Variants in TRAK1 observed in about 807,000 individuals in gnomAD.
The protein encoded by TRAK1 is trafficking kinesin-binding protein 1.
TRAK1 carries 33 observed loss-of-function variants against 92.1 expected under a neutral mutation model. The ratio of observed to expected loss-of-function variants is 0.36; its 90% confidence interval spans 0.27 to 0.48. TRAK1 has a LOEUF of 0.48. Ranked by LOEUF, TRAK1 falls within the 20% of genes least tolerant of loss-of-function variation. TRAK1 has a pLI of 0.99. For synonymous variants in TRAK1, 521 were observed against 517.3 expected, an observed-to-expected ratio of 1.01 and a Z score of -0.10; for missense variants, 1,123 against 1,257.9, an observed-to-expected ratio of 0.89 and a Z score of 1.62.
At chr3:42,083,780 G>A (rs796526088), upstream of TRAK1, among the ~76,000 whole-genome samples, 30 of 152,150 alleles carry the variant, frequency 2.0e-4, no homozygotes, top group African/African-American at 7.2e-4. Flanking sequence ...TAAGGTGGGA[G>A]GATCACCTGA....
At chr3:42,183,553 TAA>T (rs11293523) in intron 3 of TRAK1, among the ~76,000 whole-genome samples, 271 of 117,292 alleles carry the variant, frequency 2.3e-3, no homozygotes, top group Non-Finnish European at 3.1e-3. Context: ...AGACTCTGTC[TAA>T]AAAAAAAAAA....
chr3:42,182,853 A>G (rs1704208749), intron 3 of TRAK1, among the ~76,000 whole-genome samples: 2 of 152,216 alleles, frequency 1.3e-5, no homozygotes, highest in Non-Finnish European at 2.9e-5. Context: ...ATAAAAGCGG[A>G]TTTTTCTCTT....
intron 2 of TRAK1, among the ~76,000 whole-genome samples, chr3:42,126,480 G>A (rs1423696764): frequency 1.3e-5 from 2 of 152,084 alleles, no homozygotes; most frequent in African/African-American, 4.8e-5. Context: ...ATGATGGCCA[G>A]GGTGTGAAAC....
At chr3:42,020,575 A>C (rs994941255) in intron 1 of TRAK1, among the ~76,000 whole-genome samples, 1 of 151,946 alleles carries the variant, frequency 6.6e-6, no homozygotes, top group African/African-American at 2.4e-5. Context: ...TTTTTTTTCC[A>C]GTTGGGACTA....
At chr3:42,053,488 C>CT (rs772694444) in intron 1 of TRAK1, among the ~76,000 whole-genome samples, 21 of 151,658 alleles carry the variant, frequency 1.4e-4, no homozygotes, top group Admixed American at 7.9e-4. Context: ...GCTGGGGATA[C>CT]TTTGTGTAGG....
intron 1 of TRAK1, among the ~76,000 whole-genome samples, chr3:42,071,254 TC>T (rs1219142688): frequency 2.0e-5 from 3 of 152,242 alleles, no homozygotes; most frequent in Admixed American, 6.5e-5. Flanking sequence ...CCTACCCATG[TC>T]CCATATTCCC....
At chr3:42,024,009 C>T (rs149105861) in intron 1 of TRAK1, among the ~76,000 whole-genome samples, 30 of 152,066 alleles carry the variant, frequency 2.0e-4, no homozygotes, top group Non-Finnish European at 3.7e-4. Context: ...CCCTCCTTGG[C>T]CCCCCAAAGT....
chr3:42,185,568 C>G (rs1559892598), intron 4 of TRAK1, among the ~76,000 whole-genome samples: 1 of 152,080 alleles, frequency 6.6e-6, no homozygotes, highest in African/African-American at 2.4e-5. Context: ...AGCTTAGAGC[C>G]AGGCCCTACG....
intron 14 of TRAK1, chr3:42,217,097 C>CTTT (rs550975120): frequency 5.5e-5 from 8 of 146,522 alleles, no homozygotes; most frequent in African/African-American, 1.5e-4. Context: ...CTCTCTCTCT[C>CTTT]TTTTTTTTTT....
At chr3:42,198,174 A>G (rs1393826009) in intron 10 of TRAK1, among the ~76,000 whole-genome samples, 1 of 152,172 alleles carries the variant, frequency 6.6e-6, no homozygotes, top group Non-Finnish European at 1.5e-5. Flanking sequence ...GGTATCTACC[A>G]TGTGTAAAGG....
At chr3:42,127,475 C>T (rs1056265235) in intron 2 of TRAK1, among the ~76,000 whole-genome samples, 1 of 151,656 alleles carries the variant, frequency 6.6e-6, no homozygotes, top group Non-Finnish European at 1.5e-5. Context: ...ACCTTAGCTT[C>T]CTGAGTAGCT....
intron 4 of TRAK1, 170 bp downstream of exon 4, chr3:42,184,971 A>G: frequency 1.7e-6 from 1 of 581,866 alleles, no homozygotes; most frequent in Non-Finnish European, 3.1e-6. Flanking sequence ...CCTGGGGACT[A>G]AAAGCCACCT....
intron 1 of TRAK1, among the ~76,000 whole-genome samples, chr3:42,122,419 G>A (rs1710010658): frequency 6.6e-6 from 1 of 151,640 alleles, no homozygotes; most frequent in Non-Finnish European, 1.5e-5. Flanking sequence ...CCAGCCTGTT[G>A]TGTGGGTGTG....
chr3:42,164,080 AT>A lies in TRAK1; in HGVS notation c.287-12733del, dbSNP rs538513226. 5.3e-5 allele frequency among the ~76,000 whole-genome samples: 8 copies of A among 152,356 alleles called. No individual in the cohort carries two copies. The East Asian group carries it at 1.5e-3, about 29-fold the overall frequency. The stretch of plus-strand genomic sequence containing the variant: ...GGCCAGTTTTGCTGGAAACACGTGT[AT>A]CTCAGAGCAAGCTGGGCAGGACCCC... On this transcript the variant is annotated intron_variant, in intron 2 of 15. Coordinates refer to ENST00000327628, the MANE Select transcript of TRAK1 (RefSeq NM_001042646.3).
At chr3:42,076,409 A>G (rs1704161678) in intron 1 of TRAK1, among the ~76,000 whole-genome samples, 1 of 150,414 alleles carries the variant, frequency 6.6e-6, no homozygotes, top group Non-Finnish European at 1.5e-5. Flanking sequence ...TATTTTTAGT[A>G]GAGATGGGGT....
At chr3:42,074,018 AAG>A (rs1704045266) in intron 1 of TRAK1, among the ~76,000 whole-genome samples, 1 of 152,106 alleles carries the variant, frequency 6.6e-6, no homozygotes, top group Non-Finnish European at 1.5e-5. Context: ...GGGTTGTTTT[AAG>A]AGAGAGTGGA....
intron 2 of TRAK1, chr3:42,145,497 A>C (rs1033620089): frequency 6.6e-6 from 1 of 151,544 alleles, no homozygotes; most frequent in Non-Finnish European, 1.5e-5. Flanking sequence ...AAAAAAAAAA[A>C]AAACCTATGT....
intron 1 of TRAK1, among the ~76,000 whole-genome samples, chr3:42,059,537 C>T (rs1703338613): frequency 6.6e-6 from 1 of 152,100 alleles, no homozygotes; most frequent in Non-Finnish European, 1.5e-5. Flanking sequence ...ATCAGCAGGC[C>T]TCGGGGATTT....
At position 42,189,138 on chromosome 3, in the gene TRAK1, C is replaced by T. The variant is rs765453523; in HGVS notation, c.690+14C>T. 100 of 1,589,856 alleles carry T rather than the reference C, an allele frequency of 6.3e-5. No individual in the cohort carries two copies. In the South Asian group the frequency reaches 1.1e-3, roughly 17 times the overall value. ...CTTCGATCCGAGGTGATGTGCCCTC[C>T]CTTCTCTTGCCCCTGCTAGAAGGGT... On this transcript the variant is annotated intron_variant, in intron 6 of 15. Coordinates refer to ENST00000327628, the MANE Select transcript of TRAK1 (RefSeq NM_001042646.3).
Sources: gnomAD v4.1 joint callset for allele counts (sites outside exome capture counted in the v4.1 genomes callset) on GRCh38, gnomAD v4.1.1 for gene constraint, MANE v1.5 for transcripts, NCBI Gene and HGNC (gene_info 2026-07-23, HGNC 2026-07-21) for gene names.